The following MMP24 variants were observed in gnomAD, a reference collection of about 807,000 sequenced individuals.
The protein encoded by MMP24 is matrix metallopeptidase 24.
In MMP24, 25 loss-of-function variants were observed where a neutral mutation model predicts 62.8. That is an observed-to-expected ratio of 0.40 (90% CI 0.29 to 0.56). The LOEUF (loss-of-function observed/expected upper bound fraction) is 0.56. MMP24 is among the 20% of genes least tolerant of loss of function. The probability of loss-of-function intolerance (pLI) is 0.50; values close to 1 mark genes in which losing one functional copy is unlikely to be tolerated. For missense variants in MMP24, 634 were observed against 853.6 expected, an observed-to-expected ratio of 0.74 and a Z score of 3.21; for synonymous variants, 319 against 350.5, an observed-to-expected ratio of 0.91 and a Z score of 1.00.
rs1031117981 is a variant in MMP24, at chr20:35,269,220, C to T, written c.1195-540C>T. On this transcript the variant is annotated intron_variant, in intron 6 of 8. Transcript: ENST00000246186. This position sits in a 1 kb window ranked among gnomAD's most constrained non-coding sequence, Gnocchi z 4.6. ...GGGCATTTTGCCTAGAATCTCTCATCTGATTCTCCATTATTACCTGCACTT... is the reference window on the plus strand; with the variant it reads ...GGGCATTTTGCCTAGAATCTCTCATTTGATTCTCCATTATTACCTGCACTT... 1.1e-4 allele frequency among the ~76,000 whole-genome samples: 16 copies of T among 152,212 alleles called. No individual in the cohort carries two copies. Among genetic ancestry groups the T allele is most frequent in the African/African-American group, 3.9e-4 (16 of 41,468 alleles).
rs769342353 is a variant in MMP24, at chr20:35,274,255, G to C, written c.1601-17G>C. The C allele has an allele frequency of 9.4e-6, 15 of 1,587,816 alleles. No individual in the cohort carries two copies. Among genetic ancestry groups the C allele is most frequent in the Admixed American group, 1.7e-5 (1 of 59,334 alleles). ...GGAAGTGTCTGGGAGTGGTGATGCT[G>C]GGCTGTATTTCTGCAGATTACACCT... is the stretch of plus-strand genomic sequence containing the variant. On this transcript the variant is annotated splice_polypyrimidine_tract_variant and intron_variant, in intron 8 of 8. Coordinates refer to ENST00000246186, the MANE Select transcript of MMP24 (RefSeq NM_006690.4). This position sits in a 1 kb window ranked among gnomAD's most constrained non-coding sequence, Gnocchi z 5.1.
intron 4 of MMP24, among the ~76,000 whole-genome samples, chr20:35,258,398 A>G (rs1278494234): frequency 6.6e-6 from 1 of 152,128 alleles, no homozygotes; most frequent in Non-Finnish European, 1.5e-5. Flanking sequence ...TCAGGATCCA[A>G]ACAAGATCCA....
chr20:35,252,073 T>A, intron 3 of MMP24, 52 bp downstream of exon 3: 1 of 1,429,202 alleles, frequency 7.0e-7, no homozygotes, highest in Non-Finnish European at 9.9e-7. Flanking sequence ...CCTCACTCTG[T>A]TTTTCCTGGC....
chr20:35,226,791 C>A lies in MMP24; in HGVS notation c.53C>A (p.Pro18Gln). The A allele has an allele frequency of 1.4e-6, 1 of 738,412 alleles. No individual in the cohort carries two copies. Among genetic ancestry groups the A allele is most frequent in the South Asian group, 5.6e-5 (1 of 17,824 alleles). 45.7% of individuals were successfully genotyped at this position (738,412 alleles called of 1,614,324 possible). A position where few individuals can be genotyped will look rare whatever the true frequency, so the allele number is the denominator to read the frequency against. ...GCGCCGGGGCCGCCGCCGCCGCCGC[C>A]GCCGCCGGGCCAGGCCCCGCGCTGG... ...RAAPGPPPPP[P>Q]PPGQAPRWSR... is the part of the protein sequence containing the mutation. Residue 18 changes from proline (P) to glutamine (Q), a missense_variant, in exon 1 of 9, where the codon CCG becomes CAG. Physicochemically the swap from Pro to Gln is moderately conservative, Grantham distance 76. This residue lies in a region of MMP24 where 212 missense variants were observed against 259.6 expected (regional missense o/e 0.82). Coordinates refer to ENST00000246186, the MANE Select transcript of MMP24 (RefSeq NM_006690.4).
At chr20:35,240,057 C>T (rs1402374984) in intron 1 of MMP24, among the ~76,000 whole-genome samples, 1 of 152,166 alleles carries the variant, frequency 6.6e-6, no homozygotes, top group Admixed American at 6.5e-5. Context: ...ACGGAATATG[C>T]CTGAATTCTG....
rs961597991 is a variant in MMP24 at position 35,266,075 on chromosome 20, C to T, written c.980-1130C>T. Reference sequence around the variant, plus strand: ...GTTGGGTATTGGGCGTGGTGGCTCACGCCTGTAATCCCAGCACTTTGGGAG... The same window carrying T: ...GTTGGGTATTGGGCGTGGTGGCTCATGCCTGTAATCCCAGCACTTTGGGAG... On this transcript the variant is annotated intron_variant, in intron 5 of 8. Transcript: ENST00000246186. 6.2e-4 allele frequency among the ~76,000 whole-genome samples: 92 copies of T among 148,142 alleles called. 1 individual carries two copies. Among genetic ancestry groups the T allele is most frequent in the African/African-American group, 2.2e-3 (87 of 40,186 alleles).
Position 35,269,040 on chromosome 20 carries a change from A to G in MMP24, c.1195-720A>G, listed in dbSNP as rs1023307052. Among the ~76,000 whole-genome samples the G allele has an allele frequency of 7.1e-6, 1 of 141,638 alleles. No homozygotes were observed. Among genetic ancestry groups the G allele is most frequent in the African/African-American group, 2.6e-5 (1 of 37,816 alleles). 92.9% of individuals were successfully genotyped at this position (141,638 alleles called of 152,430 possible). A position where few individuals can be genotyped will look rare whatever the true frequency, so the allele number is the denominator to read the frequency against. On this transcript the variant is annotated intron_variant, in intron 6 of 8. Transcript: ENST00000246186. The surrounding 1 kb of genome is among the most constrained non-coding windows in gnomAD (Gnocchi z 4.6). ...AGACTCCATCTAAAAAAAAAAAAAA[A>G]GAAAGAAAACTGAGGCCTGGAGGCT...
chr20:35,227,131 T>G, intron 1 of MMP24, 147 bp downstream of exon 1: 3 of 583,710 alleles, frequency 5.1e-6, no homozygotes, highest in Non-Finnish European at 6.4e-6. Context: ...GGGTCCGGGC[T>G]GGCGCGGCCC....
chr20:35,231,375 T>G (rs1273757323), intron 1 of MMP24, among the ~76,000 whole-genome samples: 1 of 152,198 alleles, frequency 6.6e-6, no homozygotes, highest in East Asian at 1.9e-4. Flanking sequence ...AGTGACCTAC[T>G]AAGAAGCACC....
chr20:35,260,357 G>C (rs968777782), intron 4 of MMP24, among the ~76,000 whole-genome samples: 1 of 152,248 alleles, frequency 6.6e-6, no homozygotes, highest in Admixed American at 6.5e-5. Context: ...ACCCAGAACA[G>C]GGGTTAAAAG....
intron 4 of MMP24, among the ~76,000 whole-genome samples, chr20:35,258,163 C>T (rs553284054): frequency 6.6e-5 from 10 of 152,232 alleles, no homozygotes; most frequent in Admixed American, 2.0e-4. Flanking sequence ...ATTTATCTAC[C>T]TTTTTTTGGC....
chr20:35,271,434 A>T lies in MMP24; in HGVS notation c.1334-135A>T. 8.7e-7 allele frequency: 1 copy of T among 1,150,560 alleles called. No homozygotes were observed. The highest frequency in any genetic ancestry group is 1.2e-6 in the Non-Finnish European group (1 of 824,654). The allele number at this position is 1,150,560 out of a possible 1,614,324, so 71.3% of individuals were successfully genotyped here. On this transcript the variant is annotated intron_variant, in intron 7 of 8. Transcript: ENST00000246186. This position sits in a 1 kb window ranked among gnomAD's most constrained non-coding sequence, Gnocchi z 4.0. ...TTGTCCAGGATCTGTGACTGGCCTC[A>T]GGCTTCGTGCCCTTCCCAACTCTAA...
rs1309474959 is a variant in MMP24, at chr20:35,271,415, A to C, written c.1334-154A>C. ...CCCAGGCAGCAGAGGCAAGTTGTCC[A>C]GGATCTGTGACTGGCCTCAGGCTTC... On this transcript the variant is annotated intron_variant, in intron 7 of 8. Transcript: ENST00000246186. This position sits in a 1 kb window ranked among gnomAD's most constrained non-coding sequence, Gnocchi z 4.0. Among the ~76,000 whole-genome samples, 1 of 152,214 alleles carries C rather than the reference A, an allele frequency of 6.6e-6. No individual in the cohort carries two copies. Among genetic ancestry groups the C allele is most frequent in the African/African-American group, 2.4e-5 (1 of 41,458 alleles).
chr20:35,263,956 T>C lies in MMP24; in HGVS notation c.979+4T>C. ...CAGGGCATCCAGAAGATCTATGGTG[T>C]GTGGCAGGGAGAGGGGGGACTGCTC... is the stretch of plus-strand genomic sequence containing the variant. On this transcript the variant is annotated splice_donor_region_variant and intron_variant, in intron 5 of 8. Transcript: ENST00000246186. The C allele has an allele frequency of 1.3e-6, 2 of 1,596,264 alleles. No individual in the cohort carries two copies. Among genetic ancestry groups the C allele is most frequent in the African/African-American group, 1.3e-5 (1 of 74,460 alleles).
chr20:35,228,996 C>A (rs567277987), intron 1 of MMP24, among the ~76,000 whole-genome samples: 1 of 152,222 alleles, frequency 6.6e-6, no homozygotes, highest in African/African-American at 2.4e-5. Context: ...CTGATCTCAA[C>A]ACACTAGGCC....
chr20:35,226,882 C>A lies in MMP24; in HGVS notation c.144C>A (p.Gly48=). ...LLLPALCCLP[G]AARAAAAAAG... is the part of the protein sequence containing the mutation. ...TGCCCGCGCTCTGCTGCCTCCCGGG[C>A]GCCGCGCGGGCGGCGGCGGCGGCGG... The change falls in exon 1 of 9, where the codon GGC becomes GGA. Residue 48 remains glycine, a synonymous_variant. Coordinates refer to ENST00000246186, the MANE Select transcript of MMP24 (RefSeq NM_006690.4). 1 of 977,946 alleles carries A rather than the reference C, an allele frequency of 1.0e-6. No homozygotes were observed. The highest frequency in any genetic ancestry group is 1.2e-6 in the Non-Finnish European group (1 of 827,866). The allele number at this position is 977,946 out of a possible 1,614,324, so 60.6% of individuals were successfully genotyped here. A position where few individuals can be genotyped will look rare whatever the true frequency, so the allele number is the denominator to read the frequency against.
At chr20:35,258,478 C>G (rs2146224508) in intron 4 of MMP24, among the ~76,000 whole-genome samples, 1 of 152,280 alleles carries the variant, frequency 6.6e-6, no homozygotes, top group South Asian at 2.1e-4. Flanking sequence ...ACACACGTTT[C>G]CCTCCATATA....
At chr20:35,243,645 T>G (rs919512745) in intron 1 of MMP24, among the ~76,000 whole-genome samples, 1 of 152,130 alleles carries the variant, frequency 6.6e-6, no homozygotes, top group Non-Finnish European at 1.5e-5. Flanking sequence ...AGGAGGAGAC[T>G]CTTACATAAT....
chr20:35,251,414 C>T (rs569616164), intron 2 of MMP24, among the ~76,000 whole-genome samples: 2 of 152,286 alleles, frequency 1.3e-5, no homozygotes, highest in South Asian at 4.1e-4. Context: ...CGTGAGCCAC[C>T]GTGCCCAGCT....
Sources: gnomAD v4.1 joint callset for allele counts (sites outside exome capture counted in the v4.1 genomes callset) on GRCh38, gnomAD v4.1.1 for gene constraint, gnomAD v4.1.1 regional missense constraint, Gnocchi (gnomAD v3.1) non-coding constraint, MANE v1.5 for transcripts, NCBI Gene and HGNC (gene_info 2026-07-23, HGNC 2026-07-21) for gene names.